NALF1: variants seen among roughly 807,000 people sequenced by gnomAD.
NALF1 encodes the protein family with sequence similarity 155 member A.
Under a neutral mutation model 48.4 loss-of-function variants are expected in NALF1, and 3 were observed. The observed-to-expected ratio is 0.06, with a 90% CI of 0.03 to 0.16. NALF1 has a LOEUF of 0.16. NALF1 is among the 10% of genes least tolerant of loss of function. The pLI is 1.00. For missense variants in NALF1, 526 were observed against 571.5 expected (o/e 0.92, Z 0.81); for synonymous variants, 262 against 245.7 (o/e 1.07, Z -0.62).
intron 1 of NALF1, among the ~76,000 whole-genome samples, chr13:107,489,244 T>C (rs548205325): frequency 1.3e-5 from 2 of 152,298 alleles, no homozygotes; most frequent in South Asian, 2.1e-4. Context: ...CCCATTAAAC[T>C]ACCAATGACA....
At position 107,580,317 on chromosome 13, in the gene NALF1, T is replaced by C. The variant is rs947330131; in HGVS notation, c.915+285365A>G. Among the ~76,000 whole-genome samples, 49 of 152,130 alleles carry C rather than the reference T, an allele frequency of 3.2e-4. 1 individual carries two copies. The highest frequency in any genetic ancestry group is 1.1e-3 in the African/African-American group (46 of 41,428). Reference sequence around the variant, plus strand: ...TTTCTTTTCAAACACCAAACTCCATTAATGTCTTCCTTTTTCTCCATAATA... The same window carrying C: ...TTTCTTTTCAAACACCAAACTCCATCAATGTCTTCCTTTTTCTCCATAATA... On this transcript the variant is annotated intron_variant, in intron 1 of 2. Transcript: ENST00000375915.
At chr13:107,278,181 G>C (rs991258553) in intron 1 of NALF1, among the ~76,000 whole-genome samples, 1 of 152,196 alleles carries the variant, frequency 6.6e-6, no homozygotes, top group South Asian at 2.1e-4. Flanking sequence ...GCAGAAGGTA[G>C]AGTCTATCAT....
At chr13:107,434,567 TCA>T (rs1884433973) in intron 1 of NALF1, among the ~76,000 whole-genome samples, 1 of 152,208 alleles carries the variant, frequency 6.6e-6, no homozygotes, top group African/African-American at 2.4e-5. Flanking sequence ...CAATAAATGC[TCA>T]CAGATAGAGT....
At chr13:107,424,800 T>C (rs1884252305) in intron 1 of NALF1, among the ~76,000 whole-genome samples, 1 of 152,218 alleles carries the variant, frequency 6.6e-6, no homozygotes, top group Admixed American at 6.5e-5. Flanking sequence ...TTTCAAACCA[T>C]CTATCCATCT....
At chr13:107,381,291 CTT>C (rs1883435059) in intron 1 of NALF1, among the ~76,000 whole-genome samples, 1 of 151,316 alleles carries the variant, frequency 6.6e-6, no homozygotes, top group Admixed American at 6.6e-5. Context: ...GCTTCAACCT[CTT>C]TGGCTCAAGC....
chr13:107,351,239 G>T (rs146893249), intron 1 of NALF1, among the ~76,000 whole-genome samples: 1 of 110,978 alleles, frequency 9.0e-6, no homozygotes, highest in Non-Finnish European at 2.0e-5. Flanking sequence ...TAGATCTCGC[G>T]TTAAGTGTTC....
At chr13:107,531,637 C>T (rs989990560) in intron 1 of NALF1, among the ~76,000 whole-genome samples, 1 of 151,966 alleles carries the variant, frequency 6.6e-6, no homozygotes, top group African/African-American at 2.4e-5. Context: ...AAAACCAGTA[C>T]ATTTTAGTTA....
intron 1 of NALF1, among the ~76,000 whole-genome samples, chr13:107,585,230 G>A (rs1374945787): frequency 2.0e-5 from 3 of 151,724 alleles, no homozygotes; most frequent in African/African-American, 7.3e-5. Flanking sequence ...TCTTTTACCT[G>A]AAAATAGATA....
chr13:107,755,172 T>C (rs1280015807), intron 1 of NALF1, among the ~76,000 whole-genome samples: 1 of 152,146 alleles, frequency 6.6e-6, no homozygotes, highest in Non-Finnish European at 1.5e-5. Context: ...ATGGGCTCAG[T>C]TTAGATTCCA....
At chr13:107,499,522 T>C (rs1419985858) in intron 1 of NALF1, among the ~76,000 whole-genome samples, 2 of 152,152 alleles carry the variant, frequency 1.3e-5, no homozygotes, top group East Asian at 1.9e-4. Flanking sequence ...TGAAGTCTTT[T>C]GAAGACACTT....
At chr13:107,736,349 T>TG in intron 1 of NALF1, among the ~76,000 whole-genome samples, 1 of 152,260 alleles carries the variant, frequency 6.6e-6, no homozygotes, top group Non-Finnish European at 1.5e-5. Context: ...GCTTTCTTGT[T>TG]GGAGTTTGCT....
In NALF1 at chr13:107,414,854, A is replaced by G. The variant is rs377543453; in HGVS notation, c.916-204099T>C. Among the ~76,000 whole-genome samples, 10 of 152,066 alleles carry G rather than the reference A, an allele frequency of 6.6e-5. No homozygotes were observed. The East Asian group carries it at 1.4e-3, about 21-fold the overall frequency. ...GTGTATGTGTTTAATCAATTCTTAG[A>G]AGTGGGAGTCATAAATATTCAGGCT... On this transcript the variant is annotated intron_variant, in intron 1 of 2. Transcript: ENST00000375915.
intron 1 of NALF1, among the ~76,000 whole-genome samples, chr13:107,528,096 C>A (rs911245246): frequency 1.3e-5 from 2 of 152,000 alleles, no homozygotes; most frequent in African/African-American, 4.8e-5. Flanking sequence ...TAAACATAAA[C>A]ATGCTTAAAT....
chr13:107,271,934 C>G (rs1235111779), intron 1 of NALF1, among the ~76,000 whole-genome samples: 1 of 151,246 alleles, frequency 6.6e-6, no homozygotes, highest in African/African-American at 2.4e-5. Flanking sequence ...ACATAACTCT[C>G]TATATGTTAT....
At chr13:107,257,242 G>A (rs769175853) in intron 1 of NALF1, among the ~76,000 whole-genome samples, 8 of 152,104 alleles carry the variant, frequency 5.3e-5, no homozygotes, top group Non-Finnish European at 1.2e-4. Flanking sequence ...GATGAGATTT[G>A]GGTGGGGACA....
rs1881793573 is a variant in NALF1, at chr13:107,299,466, AATAATAAAT to A, written c.916-88720_916-88712del. On this transcript the variant is annotated intron_variant, in intron 1 of 2. Coordinates refer to ENST00000375915, the MANE Select transcript of NALF1 (RefSeq NM_001080396.3). ...TAATAATAATAATAATAATAATAATAATAATAAATAAATAAATAAATAAAAAAGAAGGAT... is the reference window on the plus strand; with the variant it reads ...TAATAATAATAATAATAATAATAATAAAATAAATAAATAAAAAAGAAGGAT... Among the ~76,000 whole-genome samples, 16 of 25,328 alleles carry A rather than the reference AATAATAAAT, an allele frequency of 6.3e-4. No individual in the cohort carries two copies. The South Asian group carries it at 0.031, about 49-fold the overall frequency. The allele number at this position is 25,328 out of a possible 152,430, so 16.6% of individuals were successfully genotyped here.
chr13:107,182,045 A>G (rs1879073995), intron 2 of NALF1, among the ~76,000 whole-genome samples: 1 of 151,962 alleles, frequency 6.6e-6, no homozygotes, highest in African/African-American at 2.4e-5. Context: ...TTCTTTATCT[A>G]AGAGTTTCAC....
intron 1 of NALF1, among the ~76,000 whole-genome samples, chr13:107,730,764 A>G (rs1876288324): frequency 6.6e-6 from 1 of 152,228 alleles, no homozygotes; most frequent in Admixed American, 6.5e-5. Flanking sequence ...ACCACCAATT[A>G]ACCTTTTATT....
intron 1 of NALF1, among the ~76,000 whole-genome samples, chr13:107,693,011 C>T (rs1409656242): frequency 6.6e-6 from 1 of 152,150 alleles, no homozygotes; most frequent in Non-Finnish European, 1.5e-5. Flanking sequence ...TGGGTACATA[C>T]TCAGTAATGG....
Sources: allele counts gnomAD v4.1 joint callset (sites outside exome capture counted in the v4.1 genomes callset), GRCh38; gene constraint gnomAD v4.1.1; transcripts MANE v1.5; gene names NCBI Gene and HGNC (gene_info 2026-07-23, HGNC 2026-07-21).